Variants in ASIC2 observed in about 807,000 individuals in gnomAD.
The protein encoded by ASIC2 is acid sensing ion channel subunit 2.
A neutral mutation model predicts 57.3 loss-of-function variants in ASIC2; 25 were observed. The ratio of observed to expected loss-of-function variants is 0.44; its 90% CI spans 0.32 to 0.61. The LOEUF is 0.61. Among genes scored for constraint, ASIC2 ranks in the 20% least tolerant of loss-of-function variants. The pLI, the probability that ASIC2 is intolerant of heterozygous loss-of-function variation, is 0.06. For synonymous variants in ASIC2, 319 were observed against 307.5 expected (o/e 1.04, Z -0.39); for missense variants, 641 against 738.1 (o/e 0.87, Z 1.52).
chr17:33,521,866 G>C (rs1017034541), intron 1 of ASIC2, among the ~76,000 whole-genome samples: 1 of 152,230 alleles, frequency 6.6e-6, no homozygotes, highest in African/African-American at 2.4e-5. Context: ...AGGGGACCCA[G>C]GCTGTTCCTC....
intron 1 of ASIC2, among the ~76,000 whole-genome samples, chr17:33,558,034 T>C (rs1051268562): frequency 2.4e-4 from 37 of 152,032 alleles, no homozygotes; most frequent in African/African-American, 8.2e-4. Flanking sequence ...TTAAAGTCTT[T>C]ACTAAACCCA....
intron 1 of ASIC2, among the ~76,000 whole-genome samples, chr17:33,425,865 T>G (rs138781834): frequency 6.6e-6 from 1 of 152,206 alleles, no homozygotes; most frequent in Non-Finnish European, 1.5e-5. Flanking sequence ...GATGTGCATA[T>G]TTTGCTAGGG....
At chr17:34,113,690 C>A (rs1363344842) in intron 1 of ASIC2, among the ~76,000 whole-genome samples, 1 of 150,656 alleles carries the variant, frequency 6.6e-6, no homozygotes, top group East Asian at 2.0e-4. Flanking sequence ...ACAGCTTGAA[C>A]AACAAAGTGA....
chr17:33,510,384 GCT>G (rs1218494822), intron 1 of ASIC2, among the ~76,000 whole-genome samples: 1 of 152,180 alleles, frequency 6.6e-6, no homozygotes, highest in Admixed American at 6.5e-5. Flanking sequence ...TGGCATGGTG[GCT>G]CATGCCTGTA....
chr17:34,042,430 G>A (rs144449735), intron 1 of ASIC2, among the ~76,000 whole-genome samples: 159 of 151,938 alleles, frequency 1.0e-3, no homozygotes, highest in Non-Finnish European at 1.6e-3. Context: ...TAATTATCCC[G>A]AGTAAAAGAA....
intron 1 of ASIC2, among the ~76,000 whole-genome samples, chr17:33,319,794 A>C (rs990889554): frequency 1.3e-5 from 2 of 152,186 alleles, no homozygotes; most frequent in Non-Finnish European, 2.9e-5. Context: ...TCGGCCTCCC[A>C]AAGTGCTGGG....
chr17:33,651,441 G>A (rs538503517), intron 1 of ASIC2, among the ~76,000 whole-genome samples: 1 of 152,284 alleles, frequency 6.6e-6, no homozygotes, highest in East Asian at 1.9e-4. Context: ...AACACTGACA[G>A]TTCTGTTAGA....
chr17:34,014,942 TG>T (rs1297269780), intron 1 of ASIC2, among the ~76,000 whole-genome samples: 3 of 151,670 alleles, frequency 2.0e-5, no homozygotes, highest in Non-Finnish European at 4.4e-5. Context: ...TGATGTGCAG[TG>T]GCACAATCAC....
In ASIC2 at chr17:34,113,199, C is replaced by T. The variant is rs147745295; in HGVS notation, c.555+42779G>A. Among the ~76,000 whole-genome samples the T allele has an allele frequency of 1.4e-3, 218 of 152,174 alleles. 1 individual carries two copies. The highest frequency in any genetic ancestry group is 2.5e-3 in the Non-Finnish European group (167 of 68,008). On this transcript the variant is annotated intron_variant, in intron 1 of 9. Coordinates refer to the ASIC2 transcript ENST00000359872. Reference sequence around the variant, plus strand: ...AGGAGCTCTTTGCTTCCAGACATTGCCCGAAGAGAGGGGCGAAGGAAGCTG... The same window carrying T: ...AGGAGCTCTTTGCTTCCAGACATTGTCCGAAGAGAGGGGCGAAGGAAGCTG...
At chr17:33,468,166 A>G (rs920312965) in intron 1 of ASIC2, among the ~76,000 whole-genome samples, 2 of 152,214 alleles carry the variant, frequency 1.3e-5, no homozygotes, top group South Asian at 4.1e-4. Context: ...GAACTCATAA[A>G]TAGCTGTACC....
At chr17:33,122,973 C>CA (rs2092308854) in intron 1 of ASIC2, among the ~76,000 whole-genome samples, 1 of 151,988 alleles carries the variant, frequency 6.6e-6, no homozygotes, top group African/African-American at 2.4e-5. Context: ...TGGCCACTAC[C>CA]GAAAAGATGA....
chr17:34,038,449 T>G, intron 1 of ASIC2: 1 of 1,612,332 alleles, frequency 6.2e-7, no homozygotes, highest in Non-Finnish European at 8.5e-7. Flanking sequence ...CTCTCCAGTT[T>G]TTATTTAACT....
intron 1 of ASIC2, among the ~76,000 whole-genome samples, chr17:33,776,082 A>G (rs1021602946): frequency 6.6e-6 from 1 of 150,988 alleles, no homozygotes; most frequent in African/African-American, 2.4e-5. Flanking sequence ...GCGGTGAGTC[A>G]AGATCATGCC....
chr17:33,323,435 G>A (rs529257469), intron 1 of ASIC2, among the ~76,000 whole-genome samples: 74 of 152,302 alleles, frequency 4.9e-4, no homozygotes, highest in South Asian at 2.5e-3. Flanking sequence ...AGACACAGGC[G>A]GGCACGGTGC....
intron 1 of ASIC2, among the ~76,000 whole-genome samples, chr17:33,769,872 G>A (rs565861441): frequency 3.6e-4 from 55 of 152,308 alleles, no homozygotes; most frequent in African/African-American, 1.2e-3. Flanking sequence ...AGAGCAGAGG[G>A]AGAAAACCCA....
rs1050356635 is a variant in ASIC2, at chr17:33,812,328, G to A, written c.555+343650C>T. Among the ~76,000 whole-genome samples the A allele has an allele frequency of 2.6e-5, 4 of 152,120 alleles. No individual in the cohort carries two copies. In the South Asian group the frequency reaches 8.3e-4, roughly 32 times the overall value. ...CAAGACAACGGCTTTGAAGGAAAAG[G>A]CTCTTAGCATGTCAAGAGCACAAGT... On this transcript the variant is annotated intron_variant, in intron 1 of 9. Transcript: ENST00000359872.
chr17:33,476,707 T>C (rs552442787), intron 1 of ASIC2, among the ~76,000 whole-genome samples: 1 of 151,946 alleles, frequency 6.6e-6, no homozygotes, highest in Admixed American at 6.6e-5. Flanking sequence ...GGACAAATCG[T>C]TCATGTGTCC....
At chr17:34,076,543 C>T (rs544017467) in intron 1 of ASIC2, among the ~76,000 whole-genome samples, 1 of 152,182 alleles carries the variant, frequency 6.6e-6, no homozygotes, top group Non-Finnish European at 1.5e-5. Context: ...AAGTATATCC[C>T]AGGTGCTTAA....
intron 1 of ASIC2, among the ~76,000 whole-genome samples, chr17:34,049,828 G>C (rs1219072898): frequency 6.6e-6 from 1 of 152,096 alleles, no homozygotes; most frequent in Non-Finnish European, 1.5e-5. Context: ...CAGCAAACCT[G>C]CTCCACGGTG....
Sources: allele counts gnomAD v4.1 joint callset (sites outside exome capture counted in the v4.1 genomes callset), GRCh38; gene constraint gnomAD v4.1.1; transcripts MANE v1.5; gene names NCBI Gene and HGNC (gene_info 2026-07-23, HGNC 2026-07-21).